Variants in OAS3 observed in about 807,000 individuals in gnomAD.
The protein encoded by OAS3 is 2'-5'-oligoadenylate synthase 3.
OAS3 carries 107 observed loss-of-function variants against 113.0 expected under a neutral mutation model. The observed-to-expected ratio is 0.95, with a 90% CI of 0.81 to 1.11. OAS3 has a LOEUF of 1.11. Ranked by LOEUF, OAS3 falls within the 50% of genes most tolerant of loss-of-function variation. The pLI is 0.00. For missense variants in OAS3, 1,258 were observed against 1,389.1 expected (o/e 0.91, Z 1.50); for synonymous variants, 552 against 573.6 (o/e 0.96, Z 0.54).
At chr12:112,940,313 G>A (rs892009789) in intron 1 of OAS3, among the ~76,000 whole-genome samples, 4 of 152,164 alleles carry the variant, frequency 2.6e-5, no homozygotes, top group African/African-American at 9.7e-5. Context: ...GATAAGTAGG[G>A]GGTCCCAGTT....
rs2043969463 is a variant in OAS3 at position 112,969,949 on chromosome 12, A to G, written c.3253-13A>G. ...GAATGGGGTTACCAACATCTCTTATAATACTTCCCCAGGCTGCTGTGTGAA... is the reference window on the plus strand; with the variant it reads ...GAATGGGGTTACCAACATCTCTTATGATACTTCCCCAGGCTGCTGTGTGAA... On this transcript the variant is annotated splice_polypyrimidine_tract_variant and intron_variant, in intron 15 of 15. Coordinates refer to ENST00000228928, the MANE Select transcript of OAS3 (RefSeq NM_006187.4). The G allele has an allele frequency of 1.9e-6, 3 of 1,607,152 alleles. No homozygotes were observed. In the African/African-American group the frequency reaches 4.0e-5, roughly 21 times the overall value.
intron 11 of OAS3, 65 bp from the exon 12 acceptor site, chr12:112,965,679 A>C: frequency 6.8e-7 from 1 of 1,477,118 alleles, no homozygotes; most frequent in South Asian, 1.3e-5. Flanking sequence ...TTTCTAACTC[A>C]CAGTCCAGAA....
Position 112,970,208 on chromosome 12 carries a change from T to C in OAS3, c.*235T>C, listed in dbSNP as rs1308059742. 1.0e-5 allele frequency: 6 copies of C among 595,260 alleles called. No individual in the cohort carries two copies. In the African/African-American group the frequency reaches 1.1e-4, roughly 11 times the overall value. The allele number at this position is 595,260 out of a possible 1,614,324, so 36.9% of individuals were successfully genotyped here. A position where few individuals can be genotyped will look rare whatever the true frequency, so the allele number is the denominator to read the frequency against. On this transcript the variant is annotated 3_prime_UTR_variant, in exon 16 of 16. Coordinates refer to ENST00000228928, the MANE Select transcript of OAS3 (RefSeq NM_006187.4). ...ACACTAGGATCCAGACTCCATGGTTTGACACCAGCCTGCGTTTGCAGCTTC... is the reference window on the plus strand; with the variant it reads ...ACACTAGGATCCAGACTCCATGGTTCGACACCAGCCTGCGTTTGCAGCTTC...
At position 112,941,521 on chromosome 12, in the gene OAS3, C is replaced by T. The variant is rs138633333; in HGVS notation, c.178-49C>T. On this transcript the variant is annotated intron_variant, in intron 1 of 15. Transcript: ENST00000228928. ...TCAAGTTGCCTGCCAGGTTGCAAGG[C>T]CACTAGAATTGGACAGTATGAAATT... 6.4e-4 allele frequency: 1,007 copies of T among 1,572,286 alleles called. 10 individuals are homozygous for T. The highest frequency in any genetic ancestry group is 3.4e-4 in the Middle Eastern group (2 of 5,852).
At position 112,940,911 on chromosome 12, in the gene OAS3, G is replaced by A. The variant is rs558659344; in HGVS notation, c.178-659G>A. Reference sequence around the variant, plus strand: ...CCAGCTACTCAGGAGGCTCAGGTGGGAAAATCACTTGAACTCATGAGATGG... The same window carrying A: ...CCAGCTACTCAGGAGGCTCAGGTGGAAAAATCACTTGAACTCATGAGATGG... On this transcript the variant is annotated intron_variant, in intron 1 of 15. Transcript: ENST00000228928. 1.5e-3 allele frequency among the ~76,000 whole-genome samples: 234 copies of A among 152,296 alleles called. 1 individual carries two copies. Among genetic ancestry groups the A allele is most frequent in the Non-Finnish European group, 2.9e-3 (195 of 68,018 alleles).
At position 112,965,845 on chromosome 12, in the gene OAS3, G is replaced by A; in HGVS notation, c.2505G>A (p.Lys835=). 1 of 1,613,846 alleles carries A rather than the reference G, an allele frequency of 6.2e-7. No individual in the cohort carries two copies. The change falls in exon 12 of 16, where the codon AAG becomes AAA. Residue 835 remains lysine (K), a synonymous_variant. Transcript: ENST00000228928. ...GCCAGTTCACTGAGCAGGGCAACAA[G>A]CGGGCCGAGATCATCTCCGAGATCC... is the stretch of plus-strand genomic sequence containing the variant. ...CFSQFTEQGN[K]RAEIISEIRA... is the part of the protein sequence containing the mutation.
chr12:112,970,021 A>T lies in OAS3; in HGVS notation c.*48A>T. The T allele has an allele frequency of 6.3e-7, 1 of 1,596,220 alleles. No individual in the cohort carries two copies. The highest frequency in any genetic ancestry group is 8.5e-7 in the Non-Finnish European group (1 of 1,170,376). ...ACTGGATGAAGAGAAGATGGACACC[A>T]GCCCTCAGCATGAGGAAATTCAGGG... is the stretch of plus-strand genomic sequence containing the variant. On this transcript the variant is annotated 3_prime_UTR_variant, in exon 16 of 16. Transcript: ENST00000228928.
intron 7 of OAS3, among the ~76,000 whole-genome samples, chr12:112,957,191 T>C (rs1593180926): frequency 6.6e-6 from 1 of 152,350 alleles, no homozygotes; most frequent in Non-Finnish European, 1.5e-5. Context: ...ATTTGCTTGG[T>C]AGATCTTCCT....
intron 12 of OAS3, among the ~76,000 whole-genome samples, chr12:112,966,545 CA>C (rs1165553916): frequency 4.6e-5 from 7 of 152,318 alleles, no homozygotes; most frequent in Middle Eastern, 6.8e-3. Context: ...TTTCAACTCT[CA>C]GTTTGATTAG....
rs2043819601 is a variant in OAS3 at position 112,954,826 on chromosome 12, A to T, written c.1657+3851A>T. 6.6e-6 allele frequency among the ~76,000 whole-genome samples: 1 copy of T among 152,068 alleles called. No homozygotes were observed. The highest frequency in any genetic ancestry group is 1.5e-5 in the Non-Finnish European group (1 of 68,010). Reference sequence around the variant, plus strand: ...CAGGCTCTTTTTTGGTTTCATATGAACTTTAAAGTAGTTTTTTCCAATTCT... The same window carrying T: ...CAGGCTCTTTTTTGGTTTCATATGATCTTTAAAGTAGTTTTTTCCAATTCT... On this transcript the variant is annotated intron_variant, in intron 7 of 15. Transcript: ENST00000228928. This position sits in a 1 kb window ranked among gnomAD's most constrained non-coding sequence, Gnocchi z 4.0.
At position 112,967,407 on chromosome 12, in the gene OAS3, C is replaced by T. The variant is rs1366129488; in HGVS notation, c.2690-11C>T. 1.9e-6 allele frequency: 3 copies of T among 1,607,026 alleles called. No individual in the cohort carries two copies. Among genetic ancestry groups the T allele is most frequent in the African/African-American group, 1.3e-5 (1 of 74,876 alleles). On this transcript the variant is annotated splice_polypyrimidine_tract_variant and intron_variant, in intron 12 of 15. Coordinates refer to ENST00000228928, the MANE Select transcript of OAS3 (RefSeq NM_006187.4). ...GAGCCGGAGTGATGGTAACCATCTC[C>T]CCATCTCCAGGCCAGCTGGTCTCTG...
chr12:112,940,151 A>G (rs547890031), intron 1 of OAS3, among the ~76,000 whole-genome samples: 6 of 152,218 alleles, frequency 3.9e-5, no homozygotes, highest in South Asian at 4.1e-4. Context: ...GTAAAGTGGT[A>G]CCTTCCTTCT....
intron 11 of OAS3, among the ~76,000 whole-genome samples, chr12:112,965,470 C>G (rs557656457): frequency 6.6e-6 from 1 of 152,294 alleles, no homozygotes; most frequent in Admixed American, 6.5e-5. Context: ...GCCCAAAAAA[C>G]CAACCAACAA....
At chr12:112,952,706 C>T (rs1352031522) in intron 7 of OAS3, among the ~76,000 whole-genome samples, 3 of 152,194 alleles carry the variant, frequency 2.0e-5, no homozygotes, top group African/African-American at 7.2e-5. Context: ...AAATTTTTCT[C>T]AGACTTTGTC....
chr12:112,966,849 GC>G (rs1369012931), intron 12 of OAS3, among the ~76,000 whole-genome samples: 2 of 152,164 alleles, frequency 1.3e-5, no homozygotes, highest in East Asian at 3.8e-4. Context: ...TGACTATGTT[GC>G]CCAGGCTGAT....
At chr12:112,953,220 G>A (rs2136351797) in intron 7 of OAS3, among the ~76,000 whole-genome samples, 1 of 151,712 alleles carries the variant, frequency 6.6e-6, no homozygotes, top group African/African-American at 2.4e-5. Flanking sequence ...TCCCACCTAT[G>A]AGTGAGAACA....
intron 7 of OAS3, among the ~76,000 whole-genome samples, chr12:112,956,527 G>A (rs1206429244): frequency 6.6e-6 from 1 of 152,134 alleles, no homozygotes; most frequent in East Asian, 1.9e-4. Flanking sequence ...AGAGATTCTG[G>A]TATGTTGTGT....
Sources: gnomAD v4.1 joint callset for allele counts (sites outside exome capture counted in the v4.1 genomes callset) on GRCh38, gnomAD v4.1.1 for gene constraint, Gnocchi (gnomAD v3.1) non-coding constraint, MANE v1.5 for transcripts, NCBI Gene and HGNC (gene_info 2026-07-23, HGNC 2026-07-21) for gene names.